Variants in ENPP3 observed in about 807,000 individuals in gnomAD.
ENPP3 encodes ectonucleotide pyrophosphatase/phosphodiesterase family member 3.
Under a neutral mutation model 117.8 loss-of-function variants are expected in ENPP3, and 104 were observed. The observed-to-expected ratio is 0.88, with a 90% CI of 0.75 to 1.04. The LOEUF is 1.04. Among genes scored for constraint, ENPP3 ranks in the 50% least tolerant of loss-of-function variants. The probability of loss-of-function intolerance (pLI) is 0.00; values close to 1 mark genes in which losing one functional copy is unlikely to be tolerated. For missense variants in ENPP3, 1,026 were observed against 1,051.9 expected (o/e 0.98, Z 0.34); for synonymous variants, 380 against 349.9 (o/e 1.09, Z -0.96).
At position 131,650,164 on chromosome 6, in the gene ENPP3, A is replaced by G. The variant is rs750224637; in HGVS notation, c.277+15A>G. ...TGTGGAATCAAGTATGAGTTCTGAG[A>G]ATAAGTTTATTAGCATGTTGCTTGT... On this transcript the variant is annotated intron_variant, in intron 3 of 24. Coordinates refer to ENST00000357639, the MANE Select transcript of ENPP3 (RefSeq NM_005021.5). 3 of 1,613,658 alleles carry G rather than the reference A, an allele frequency of 1.9e-6. No homozygotes were observed. The highest frequency in any genetic ancestry group is 2.5e-6 in the Non-Finnish European group (3 of 1,179,806).
chr6:131,658,757 A>G (rs556456103), intron 6 of ENPP3, among the ~76,000 whole-genome samples: 2 of 152,258 alleles, frequency 1.3e-5, no homozygotes, highest in East Asian at 3.9e-4. Context: ...TAGCAAGGAG[A>G]ATATAGCGAG....
Position 131,652,904 on chromosome 6 carries a change from G to C in ENPP3, c.464+13G>C, listed in dbSNP as rs749395433. On this transcript the variant is annotated intron_variant, in intron 5 of 24. Coordinates refer to ENST00000357639, the MANE Select transcript of ENPP3 (RefSeq NM_005021.5). ...AGTGCCCAGAAGGGTGAGCATGACT[G>C]ATACAGGGATTTTTATCCTCCTTTA... is the stretch of plus-strand genomic sequence containing the variant. The C allele has an allele frequency of 6.3e-7, 1 of 1,583,674 alleles. No individual in the cohort carries two copies. Among genetic ancestry groups the C allele is most frequent in the Non-Finnish European group, 8.7e-7 (1 of 1,153,622 alleles).
chr6:131,696,362 C>A (rs1336884446), intron 15 of ENPP3, among the ~76,000 whole-genome samples: 3 of 152,170 alleles, frequency 2.0e-5, no homozygotes, highest in Non-Finnish European at 4.4e-5. Flanking sequence ...ATAACTATTG[C>A]ACTAGAACCA....
chr6:131,692,406 G>A (rs1296071146), intron 14 of ENPP3, among the ~76,000 whole-genome samples: 1 of 151,854 alleles, frequency 6.6e-6, no homozygotes, highest in Non-Finnish European at 1.5e-5. Context: ...TTTACAAATA[G>A]GGAGACTATA....
intron 14 of ENPP3, among the ~76,000 whole-genome samples, chr6:131,691,651 A>G (rs1779282187): frequency 6.6e-6 from 1 of 152,086 alleles, no homozygotes; most frequent in African/African-American, 2.4e-5. Flanking sequence ...TGTAGACTTC[A>G]TTCCAAATTC....
intron 2 of ENPP3, among the ~76,000 whole-genome samples, chr6:131,648,220 A>G (rs555133030): frequency 3.3e-5 from 5 of 151,638 alleles, no homozygotes; most frequent in Non-Finnish European, 1.5e-5. Context: ...TAGTAGGATG[A>G]ATTCAGGAGA....
Position 131,671,293 on chromosome 6 carries a change from C to G in ENPP3, c.608C>G (p.Thr203Ser). The G allele has an allele frequency of 1.9e-6, 3 of 1,607,176 alleles. No homozygotes were observed. The highest frequency in any genetic ancestry group is 2.6e-6 in the Non-Finnish European group (3 of 1,173,690). Residue 203 changes from threonine (T) to serine (S), a missense_variant, in exon 7 of 25, where the codon ACC (threonine) becomes AGC (serine). Transcript: ENST00000357639. ...HSKYMRAMYP[T>S]KTFPNHYTIV... ...AAATACATGAGAGCTATGTATCCTA[C>G]CAAAACCTTCCCAAATCATTACACC...
At chr6:131,655,898 T>C (rs975771343) in intron 5 of ENPP3, among the ~76,000 whole-genome samples, 2 of 152,176 alleles carry the variant, frequency 1.3e-5, no homozygotes, top group African/African-American at 4.8e-5. Flanking sequence ...CTCATTCTCT[T>C]TATTCCATTG....
intron 24 of ENPP3, among the ~76,000 whole-genome samples, chr6:131,745,838 G>T (rs1780624864): frequency 6.6e-6 from 1 of 152,124 alleles, no homozygotes; most frequent in Non-Finnish European, 1.5e-5. Flanking sequence ...AATGTACTCG[G>T]CCGGGTGCGG....
chr6:131,693,351 T>A, intron 14 of ENPP3, 146 bp from the exon 15 acceptor site: 1 of 638,216 alleles, frequency 1.6e-6, no homozygotes, highest in East Asian at 3.0e-5. Context: ...ACTACATTGA[T>A]AATAGGTTTA....
chr6:131,714,757 G>A (rs1318209084), intron 15 of ENPP3, among the ~76,000 whole-genome samples: 1 of 147,494 alleles, frequency 6.8e-6, no homozygotes. Flanking sequence ...AATATCACTT[G>A]GTACTAGATG....
At chr6:131,637,534 C>T (rs1197290727) in intron 1 of ENPP3, 72 bp downstream of exon 1, 23 of 851,398 alleles carry the variant, frequency 2.7e-5, no homozygotes, top group African/African-American at 6.9e-5. Flanking sequence ...TTCCCATTTA[C>T]ATTTCTTTGT....
chr6:131,650,379 C>G (rs1778238603), intron 3 of ENPP3, among the ~76,000 whole-genome samples: 2 of 152,138 alleles, frequency 1.3e-5, no homozygotes, highest in African/African-American at 4.8e-5. Context: ...ACCACCACAC[C>G]TGGCTAATTG....
chr6:131,648,976 G>A (rs187016172), intron 2 of ENPP3, among the ~76,000 whole-genome samples: 1 of 152,252 alleles, frequency 6.6e-6, no homozygotes, highest in African/African-American at 2.4e-5. Flanking sequence ...TATTTGCTTA[G>A]ATATATGGAA....
chr6:131,641,645 GC>G (rs1313909485), intron 2 of ENPP3, 115 bp downstream of exon 2: 24 of 634,946 alleles, frequency 3.8e-5, no homozygotes, highest in South Asian at 5.8e-5. Context: ...GCAGCATTCT[GC>G]TTCTAGACAT....
chr6:131,691,956 T>C (rs1288022830), intron 14 of ENPP3, among the ~76,000 whole-genome samples: 1 of 152,112 alleles, frequency 6.6e-6, no homozygotes, highest in Non-Finnish European at 1.5e-5. Context: ...CTGGCAAAAA[T>C]ATGTTTGCAA....
At chr6:131,683,749 GT>G (rs397940601) in intron 12 of ENPP3, among the ~76,000 whole-genome samples, 189 of 126,570 alleles carry the variant, frequency 1.5e-3, no homozygotes, top group Middle Eastern at 4.8e-3. Flanking sequence ...CACTCTACAG[GT>G]TTTTTTTTTT....
chr6:131,695,915 C>CA (rs200924283), intron 15 of ENPP3, among the ~76,000 whole-genome samples: 40 of 145,918 alleles, frequency 2.7e-4, no homozygotes, highest in Middle Eastern at 3.5e-3. Context: ...GACTCTGTCT[C>CA]AAAAAAAAAA....
intron 1 of ENPP3, among the ~76,000 whole-genome samples, chr6:131,639,265 A>ATATATATAT (rs371737976): frequency 1.9e-4 from 20 of 107,182 alleles, no homozygotes; most frequent in South Asian, 1.7e-3. Context: ...ATATATATAT[A>ATATATATAT]TTTTTTTTTT....
Sources: gnomAD v4.1 joint callset for allele counts (sites outside exome capture counted in the v4.1 genomes callset) on GRCh38, gnomAD v4.1.1 for gene constraint, MANE v1.5 for transcripts, NCBI Gene and HGNC (gene_info 2026-07-23, HGNC 2026-07-21) for gene names.